The following IRF3 variants were observed in gnomAD, a reference collection of about 807,000 sequenced individuals.
The protein encoded by IRF3 is interferon regulatory factor 3.
A neutral mutation model predicts 43.2 loss-of-function variants in IRF3; 29 were observed. The ratio of observed to expected loss-of-function variants is 0.67; its 90% CI spans 0.50 to 0.91. IRF3 has a LOEUF of 0.91. Ranked by LOEUF, IRF3 falls within the 40% of genes least tolerant of loss-of-function variation. IRF3 has a pLI of 0.00. For missense variants in IRF3, 505 were observed against 559.1 expected, an observed-to-expected ratio of 0.90 and a Z score of 0.98; for synonymous variants, 228 against 233.9, an observed-to-expected ratio of 0.97 and a Z score of 0.23.
At chr19:49,663,304 G>T (rs772271116) in intron 3 of IRF3, 39 bp downstream of exon 3, 7 of 1,614,098 alleles carry the variant, frequency 4.3e-6, no homozygotes, top group Non-Finnish European at 5.9e-6. Context: ...AGGAACCCTT[G>T]GGGCCCCAGC....
At chr19:49,663,918 A>G (rs1005669708) in intron 2 of IRF3, 1 of 228,128 alleles carries the variant, frequency 4.4e-6, no homozygotes, top group Non-Finnish European at 8.9e-6. Context: ...CTGGTCTTGA[A>G]CTCCTGACCT....
chr19:49,664,657 C>T lies in IRF3; in HGVS notation c.165+17G>A. On this transcript the variant is annotated intron_variant, in intron 2 of 7. Transcript: ENST00000377139. Reference sequence around the variant, plus strand: ...GCGCAGCTCCGGGTTTCCAGCGTCCCAGGTCGTCGCACGCACCTGGAAGAT... The same window carrying T: ...GCGCAGCTCCGGGTTTCCAGCGTCCTAGGTCGTCGCACGCACCTGGAAGAT... 1 of 1,611,076 alleles carries T rather than the reference C, an allele frequency of 6.2e-7. No individual in the cohort carries two copies. The highest frequency in any genetic ancestry group is 8.5e-7 in the Non-Finnish European group (1 of 1,177,630).
chr19:49,664,800 CA>C lies in IRF3; in HGVS notation c.38del (p.Val13GlyfsTer15), dbSNP rs781025314. 1 of 1,613,876 alleles carries C rather than the reference CA, an allele frequency of 6.2e-7. No individual in the cohort carries two copies. The highest frequency in any genetic ancestry group is 8.5e-7 in the Non-Finnish European group (1 of 1,179,954). On this transcript the variant is annotated frameshift_variant, in exon 2 of 8. Coordinates refer to ENST00000377139, the MANE Select transcript of IRF3 (RefSeq NM_001571.6). LOFTEE classifies it high-confidence loss of function. The part of the protein sequence containing the change: ...TPKPRILPWL[V>X]SQLDLGQLEG... ...CCAGTTGCCCCAGGTCCAGCTGCGA[CA>C]CCAGCCAGGGCAGGATCCGTGGCTT...
At chr19:49,663,061 G>A in intron 4 of IRF3, 127 bp downstream of exon 4, 1 of 853,428 alleles carries the variant, frequency 1.2e-6, no homozygotes. Flanking sequence ...GACAGACAGG[G>A]TCAGCACTGG....
intron 7 of IRF3, among the ~76,000 whole-genome samples, chr19:49,660,391 T>C (rs2081269557): frequency 6.6e-6 from 1 of 152,136 alleles, no homozygotes; most frequent in African/African-American, 2.4e-5. Flanking sequence ...CGGCTGCTCC[T>C]TAAGAGAATC....
At chr19:49,660,025 A>ACACACACACACACACCCACC (rs1568451939) in intron 7 of IRF3, among the ~76,000 whole-genome samples, 192 bp from the exon 8 acceptor site, 2 of 110,190 alleles carry the variant, frequency 1.8e-5, no homozygotes, top group African/African-American at 9.5e-5. Flanking sequence ...ACACACACAC[A>ACACACACACACACACCCACC]CACCCCCTGC....
At chr19:49,664,013 A>C (rs1183187194) in intron 2 of IRF3, 2 of 223,500 alleles carry the variant, frequency 8.9e-6, no homozygotes, top group Non-Finnish European at 1.8e-5. Flanking sequence ...AAGCCTTTGA[A>C]ACCTCTTTGG....
chr19:49,660,047 C>T (rs1313360983), intron 7 of IRF3, among the ~76,000 whole-genome samples: 1 of 127,634 alleles, frequency 7.8e-6, no homozygotes, highest in African/African-American at 3.1e-5. Context: ...GTAACTGAAC[C>T]ATAGGCCTAG....
Sources: gnomAD v4.1 joint callset for allele counts (sites outside exome capture counted in the v4.1 genomes callset) on GRCh38, gnomAD v4.1.1 for gene constraint, MANE v1.5 for transcripts, NCBI Gene and HGNC (gene_info 2026-07-23, HGNC 2026-07-21) for gene names.